EFHC2: variants seen among roughly 807,000 people sequenced by gnomAD.
The protein encoded by EFHC2 is EF-hand domain-containing family member C2.
Under a neutral mutation model 52.7 loss-of-function variants are expected in EFHC2, and 18 were observed. The observed-to-expected ratio is 0.34, with a 90% CI of 0.24 to 0.51. The LOEUF (loss-of-function observed/expected upper bound fraction) is 0.51. EFHC2 is among the 20% of genes least tolerant of loss of function. The probability of loss-of-function intolerance (pLI) is 0.97; values close to 1 mark genes in which losing one functional copy is unlikely to be tolerated. For missense variants in EFHC2, 513 were observed against 562.5 expected, an observed-to-expected ratio of 0.91 and a Z score of 0.89; for synonymous variants, 203 against 204.1, an observed-to-expected ratio of 0.99 and a Z score of 0.04.
intron 2 of EFHC2, among the ~76,000 whole-genome samples, chrX:44,302,868 T>C (rs1232877175): frequency 8.9e-6 from 1 of 112,221 alleles, no homozygotes; most frequent in Non-Finnish European, 1.9e-5. Flanking sequence ...ATATCTAATG[T>C]ATTTTCCAGT....
chrX:44,276,679 A>T (rs1004712584), intron 2 of EFHC2, among the ~76,000 whole-genome samples: 15 of 112,109 alleles, frequency 1.3e-4, no homozygotes, highest in African/African-American at 3.9e-4. Context: ...ATGACAGTTG[A>T]GTTATTTGCT....
intron 2 of EFHC2, among the ~76,000 whole-genome samples, chrX:44,303,534 T>C (rs185120558): frequency 2.8e-3 from 303 of 109,874 alleles, no homozygotes; most frequent in Non-Finnish European, 4.9e-3. Flanking sequence ...AATCCTATAA[T>C]AAGCCTTTTC....
At chrX:44,333,713 G>GA (rs992260968) in intron 1 of EFHC2, among the ~76,000 whole-genome samples, 25 of 104,743 alleles carry the variant, frequency 2.4e-4, no homozygotes, top group Admixed American at 4.1e-4. Context: ...AGTAGATGGT[G>GA]AAAAAAAAAA....
intron 2 of EFHC2, among the ~76,000 whole-genome samples, chrX:44,275,475 T>C (rs1320518162): frequency 9.0e-6 from 1 of 110,508 alleles, no homozygotes; most frequent in Non-Finnish European, 1.9e-5. Context: ...CAAAAATAAA[T>C]GATCTAATTG....
intron 3 of EFHC2, among the ~76,000 whole-genome samples, chrX:44,265,428 C>T (rs1431068731): frequency 9.0e-6 from 1 of 110,968 alleles, no homozygotes; most frequent in Non-Finnish European, 1.9e-5. Flanking sequence ...ATGGCCACCA[C>T]GCCTGGCTAA....
chrX:44,217,281 A>G (rs2037158949), intron 11 of EFHC2, among the ~76,000 whole-genome samples: 1 of 111,689 alleles, frequency 9.0e-6, no homozygotes, highest in Admixed American at 9.5e-5. Context: ...TGGGAATGTA[A>G]ATTAGTATAA....
chrX:44,156,970 G>C (rs1341336720), intron 14 of EFHC2, among the ~76,000 whole-genome samples: 2 of 111,255 alleles, frequency 1.8e-5, no homozygotes, highest in Non-Finnish European at 3.8e-5. Flanking sequence ...CTCACCATGG[G>C]CTGCTGATGG....
chrX:44,184,232 C>T (rs933774541), intron 11 of EFHC2, among the ~76,000 whole-genome samples: 1 of 111,580 alleles, frequency 9.0e-6, no homozygotes, highest in Non-Finnish European at 1.9e-5. Flanking sequence ...CCCTTCCCAT[C>T]TTTCCCTCTA....
At chrX:44,312,845 C>CCATGTAT in intron 1 of EFHC2, 89 bp from the exon 2 acceptor site, 1 of 915,024 alleles carries the variant, frequency 1.1e-6, no homozygotes, top group Non-Finnish European at 1.5e-6. Context: ...CATTTTCTTA[C>CCATGTAT]CATGTATTTT....
intron 11 of EFHC2, among the ~76,000 whole-genome samples, 185 bp from the exon 12 acceptor site, chrX:44,178,749 G>C (rs1000503866): frequency 1.8e-5 from 2 of 112,402 alleles, no homozygotes; most frequent in Non-Finnish European, 3.7e-5. Context: ...ACCAATGCCA[G>C]AATGGAAAAT....
chrX:44,208,333 T>C (rs906751111), intron 11 of EFHC2, among the ~76,000 whole-genome samples: 1 of 112,139 alleles, frequency 8.9e-6, no homozygotes, highest in African/African-American at 3.2e-5. Context: ...TCATGTCCTA[T>C]GCAGCAACAT....
At chrX:44,326,803 A>T (rs1467003372) in intron 1 of EFHC2, among the ~76,000 whole-genome samples, 1 of 94,131 alleles carries the variant, frequency 1.1e-5, no homozygotes, top group Non-Finnish European at 2.0e-5. Flanking sequence ...GTCATGGCTC[A>T]CTGCAGCCTC....
rs183400263 is a variant in EFHC2, at chrX:44,318,219, C to T, written c.43-5463G>A. On this transcript the variant is annotated intron_variant, in intron 1 of 14. Coordinates refer to ENST00000420999, the MANE Select transcript of EFHC2 (RefSeq NM_025184.4). ...GCCAAAGGGAACAAAGCACTGATATCGTGCTACCATGTGGATGAACCTTGA... is the reference window on the plus strand; with the variant it reads ...GCCAAAGGGAACAAAGCACTGATATTGTGCTACCATGTGGATGAACCTTGA... Among the ~76,000 whole-genome samples the T allele has an allele frequency of 1.2e-3, 135 of 112,340 alleles. 1 individual carries two copies. The highest frequency in any genetic ancestry group is 4.1e-3 in the African/African-American group (126 of 30,946).
intron 11 of EFHC2, among the ~76,000 whole-genome samples, chrX:44,214,662 A>G (rs1001805655): frequency 8.9e-6 from 1 of 112,565 alleles, no homozygotes; most frequent in African/African-American, 3.2e-5. Flanking sequence ...TCTTAGATCT[A>G]CATAAGGAAA....
At chrX:44,275,341 T>A (rs2147354417) in intron 2 of EFHC2, among the ~76,000 whole-genome samples, 1 of 110,247 alleles carries the variant, frequency 9.1e-6, no homozygotes, top group African/African-American at 3.3e-5. Context: ...GCATGAAAGA[T>A]ACAGAGCAAG....
chrX:44,298,300 C>T (rs1452659404), intron 2 of EFHC2, among the ~76,000 whole-genome samples: 2 of 111,956 alleles, frequency 1.8e-5, no homozygotes, highest in East Asian at 5.6e-4. Context: ...TTTATATACA[C>T]ATTGTCAAAG....
chrX:44,313,866 A>G (rs1205237546), intron 1 of EFHC2, among the ~76,000 whole-genome samples: 2 of 111,282 alleles, frequency 1.8e-5, no homozygotes, highest in Admixed American at 1.9e-4. Context: ...GAAACAGGAG[A>G]ATCGTTTGAA....
intron 3 of EFHC2, among the ~76,000 whole-genome samples, chrX:44,271,998 T>C (rs976310223): frequency 1.8e-5 from 2 of 111,977 alleles, no homozygotes; most frequent in Non-Finnish European, 3.8e-5. Flanking sequence ...TCCCCTGAAG[T>C]CATTCAGAAC....
At chrX:44,298,677 A>G (rs1316345415) in intron 2 of EFHC2, among the ~76,000 whole-genome samples, 1 of 109,837 alleles carries the variant, frequency 9.1e-6, no homozygotes, top group Non-Finnish European at 1.9e-5. Context: ...CCTGGCCAAC[A>G]TGGTGAAACC....
Sources: allele counts gnomAD v4.1 joint callset (sites outside exome capture counted in the v4.1 genomes callset), GRCh38; gene constraint gnomAD v4.1.1; transcripts MANE v1.5; gene names NCBI Gene and HGNC (gene_info 2026-07-23, HGNC 2026-07-21).